Variants in ACBD6 observed in about 807,000 individuals in gnomAD.
ACBD6 encodes the protein acyl-CoA-binding domain-containing protein 6.
ACBD6 carries 28 observed loss-of-function variants against 37.2 expected under a neutral mutation model. That is an observed-to-expected ratio of 0.75 (90% CI 0.56 to 1.03). ACBD6 has a LOEUF of 1.03. Ranked by LOEUF, ACBD6 falls within the 50% of genes least tolerant of loss-of-function variation. The probability of loss-of-function intolerance (pLI) is 0.00; values close to 1 mark genes in which losing one functional copy is unlikely to be tolerated. For missense variants in ACBD6, 340 were observed against 337.4 expected (o/e 1.01, Z -0.06); for synonymous variants, 113 against 126.8 (o/e 0.89, Z 0.73).
At chr1:180,398,002 G>A (rs964208311) in intron 5 of ACBD6, among the ~76,000 whole-genome samples, 2 of 151,986 alleles carry the variant, frequency 1.3e-5, no homozygotes, top group South Asian at 4.1e-4. Flanking sequence ...GCAGTGGGCC[G>A]AGATTGTACC....
chr1:180,270,297 G>A (rs1222368315), exon 14 of ACBD6: 2 of 152,302 alleles, frequency 1.3e-5, no homozygotes, highest in Non-Finnish European at 2.9e-5. Context: ...GGAAAGAAAG[G>A]AGAAAAGACA....
chr1:180,471,722 C>A (rs1457649130), intron 3 of ACBD6, among the ~76,000 whole-genome samples: 1 of 152,096 alleles, frequency 6.6e-6, no homozygotes, highest in Non-Finnish European at 1.5e-5. Flanking sequence ...TGGGTCCCTC[C>A]CACAACACAT....
intron 6 of ACBD6, among the ~76,000 whole-genome samples, chr1:180,395,612 C>T (rs1000899707): frequency 2.6e-5 from 4 of 152,082 alleles, no homozygotes; most frequent in African/African-American, 4.8e-5. Flanking sequence ...GTACCCAAAT[C>T]AGTCATTAGG....
chr1:180,330,816 A>G (rs531035646), intron 6 of ACBD6, among the ~76,000 whole-genome samples: 1 of 152,360 alleles, frequency 6.6e-6, no homozygotes, highest in East Asian at 1.9e-4. Context: ...GGTACAGTGT[A>G]AACAAGCAGT....
chr1:180,298,200 A>G (rs1439286233), intron 7 of ACBD6, among the ~76,000 whole-genome samples: 1 of 152,248 alleles, frequency 6.6e-6, no homozygotes, highest in African/African-American at 2.4e-5. Context: ...TGTGAAAAAA[A>G]GGCTATTTAT....
exon 14 of ACBD6, chr1:180,271,311 G>C: frequency 6.4e-7 from 1 of 1,554,514 alleles, no homozygotes; most frequent in East Asian, 2.2e-5. Flanking sequence ...GGATGGAAGG[G>C]AGGGTGTGGG....
intron 3 of ACBD6, among the ~76,000 whole-genome samples, chr1:180,431,110 C>T (rs560331903): frequency 4.1e-4 from 63 of 151,864 alleles, no homozygotes; most frequent in Middle Eastern, 6.8e-3. Flanking sequence ...AAAATACAGT[C>T]AATCCCCATA....
intron 5 of ACBD6, among the ~76,000 whole-genome samples, chr1:180,399,566 C>T (rs1647261143): frequency 6.6e-6 from 1 of 152,162 alleles, no homozygotes; most frequent in Admixed American, 6.5e-5. Flanking sequence ...CCACGCCCAG[C>T]CAGAAGTTAT....
chr1:180,350,659 C>T (rs559408427), intron 6 of ACBD6, among the ~76,000 whole-genome samples: 77 of 152,284 alleles, frequency 5.1e-4, no homozygotes, highest in Middle Eastern at 3.4e-3. Context: ...TTTCTGCTAC[C>T]TATCCCTTTC....
intron 3 of ACBD6, among the ~76,000 whole-genome samples, chr1:180,486,971 C>G (rs1023186723): frequency 6.6e-6 from 1 of 151,906 alleles, no homozygotes; most frequent in African/African-American, 2.4e-5. Flanking sequence ...AAGGGACATT[C>G]TACAAAACAA....
At chr1:180,329,411 TA>T (rs1289758759) in intron 6 of ACBD6, among the ~76,000 whole-genome samples, 1 of 152,230 alleles carries the variant, frequency 6.6e-6, no homozygotes, top group Non-Finnish European at 1.5e-5. Flanking sequence ...CTGAACTCTT[TA>T]AAATTTTCTA....
intron 6 of ACBD6, among the ~76,000 whole-genome samples, chr1:180,388,765 T>A (rs1284923704): frequency 2.6e-5 from 4 of 152,026 alleles, no homozygotes; most frequent in African/African-American, 9.7e-5. Flanking sequence ...TCTCTATACA[T>A]TAAAAATGAA....
intron 6 of ACBD6, among the ~76,000 whole-genome samples, chr1:180,387,893 A>AAGCC (rs1653904301): frequency 6.6e-6 from 1 of 152,126 alleles, no homozygotes; most frequent in Non-Finnish European, 1.5e-5. Context: ...AAACCCAGAG[A>AAGCC]AGCCGGGCAC....
chr1:180,401,657 C>G (rs775232410), intron 5 of ACBD6, among the ~76,000 whole-genome samples: 7 of 151,480 alleles, frequency 4.6e-5, no homozygotes, highest in Non-Finnish European at 1.0e-4. Flanking sequence ...TGGTGGTGCG[C>G]GTGCCTGTAA....
At chr1:180,453,548 G>A (rs1649797136) in intron 3 of ACBD6, among the ~76,000 whole-genome samples, 2 of 152,250 alleles carry the variant, frequency 1.3e-5, no homozygotes, top group South Asian at 2.1e-4. Flanking sequence ...TCTGGCCAGG[G>A]CAATCAGGCA....
At chr1:180,308,166 T>C (rs994554934) in intron 7 of ACBD6, among the ~76,000 whole-genome samples, 3 of 152,230 alleles carry the variant, frequency 2.0e-5, no homozygotes, top group African/African-American at 4.8e-5. Flanking sequence ...ATAAGTTCTA[T>C]TTGGTTCTCT....
chr1:180,332,730 G>A (rs1368629259), intron 6 of ACBD6, among the ~76,000 whole-genome samples: 1 of 152,032 alleles, frequency 6.6e-6, no homozygotes. Context: ...ATAATATAAA[G>A]TGCACAATAA....
In ACBD6 at chr1:180,427,895, G is replaced by A. The variant is rs561750697; in HGVS notation, c.467+2285C>T. Among the ~76,000 whole-genome samples, 16 of 149,844 alleles carry A rather than the reference G, an allele frequency of 1.1e-4. 1 individual carries two copies. In the South Asian group the frequency reaches 3.4e-3, roughly 32 times the overall value. ...AGATCATACCACTGCACTCCAGCTT[G>A]GTGACAGAGCAAGACTCTGTCTCAA... On this transcript the variant is annotated intron_variant, in intron 4 of 7. Transcript: ENST00000367595.
At chr1:180,500,845 A>C (rs1651942835) in intron 1 of ACBD6, among the ~76,000 whole-genome samples, 1 of 151,680 alleles carries the variant, frequency 6.6e-6, no homozygotes. Flanking sequence ...AAAAAAAAAA[A>C]AAAAAAAGTG....
Sources: allele counts gnomAD v4.1 joint callset (sites outside exome capture counted in the v4.1 genomes callset), GRCh38; gene constraint gnomAD v4.1.1; transcripts MANE v1.5; gene names NCBI Gene and HGNC (gene_info 2026-07-23, HGNC 2026-07-21).